The following DSCAML1 variants were observed in gnomAD, a reference collection of about 807,000 sequenced individuals.
DSCAML1 encodes cell adhesion molecule DSCAML1.
DSCAML1 carries 38 observed loss-of-function variants against 200.5 expected under a neutral mutation model. The ratio of observed to expected loss-of-function variants is 0.19; its 90% confidence interval spans 0.15 to 0.25. The LOEUF (loss-of-function observed/expected upper bound fraction) is 0.25. Among genes scored for constraint, DSCAML1 ranks in the 10% least tolerant of loss-of-function variants. The probability of loss-of-function intolerance (pLI) is 1.00; values close to 1 mark genes in which losing one functional copy is unlikely to be tolerated. For missense variants in DSCAML1, 2,223 were observed against 2,858.8 expected (o/e 0.78, Z 5.07); for synonymous variants, 1,215 against 1,165.0 (o/e 1.04, Z -0.87).
chr11:117,628,901 C>T (rs1422790724), intron 3 of DSCAML1, among the ~76,000 whole-genome samples: 1 of 152,136 alleles, frequency 6.6e-6, no homozygotes, highest in East Asian at 1.9e-4. Flanking sequence ...AGAGCCAGAC[C>T]TAGACTCTAG....
intron 3 of DSCAML1, among the ~76,000 whole-genome samples, chr11:117,614,179 T>G (rs1021421235): frequency 6.6e-6 from 1 of 152,164 alleles, no homozygotes; most frequent in East Asian, 1.9e-4. Context: ...AGTTTACAGT[T>G]CTGCACTCAC....
chr11:117,753,569 T>C (rs1704396453), intron 3 of DSCAML1, among the ~76,000 whole-genome samples: 1 of 152,232 alleles, frequency 6.6e-6, no homozygotes, highest in African/African-American at 2.4e-5. Flanking sequence ...AGGGTAATAA[T>C]ACCTCTGTGG....
chr11:117,795,925 C>A (rs1402229550), intron 1 of DSCAML1, among the ~76,000 whole-genome samples: 1 of 152,184 alleles, frequency 6.6e-6, no homozygotes. Context: ...GAAGCCGCCC[C>A]GGGGCGAGAA....
rs17664522 is a variant in DSCAML1, at chr11:117,695,657, T to G, written c.511+81134A>C. Reference sequence around the variant, plus strand: ...ACGTGAATTCCAAATGCTACAGTTTTGAGGGTGTACAGAGAGATCCAAAGG... The same window carrying G: ...ACGTGAATTCCAAATGCTACAGTTTGGAGGGTGTACAGAGAGATCCAAAGG... On this transcript the variant is annotated intron_variant, in intron 3 of 32. Transcript: ENST00000651296. 9.2e-3 allele frequency among the ~76,000 whole-genome samples: 1,402 copies of G among 152,250 alleles called. 12 individuals are homozygous for G. The highest frequency in any genetic ancestry group is 0.031 in the Middle Eastern group (9 of 294).
intron 3 of DSCAML1, among the ~76,000 whole-genome samples, chr11:117,673,982 C>T (rs1163457078): frequency 6.6e-6 from 1 of 152,218 alleles, no homozygotes; most frequent in Admixed American, 6.5e-5. Context: ...GCGCATGTCC[C>T]ACATTCTTTC....
chr11:117,706,919 G>A (rs1380418961), intron 3 of DSCAML1, among the ~76,000 whole-genome samples: 2 of 152,168 alleles, frequency 1.3e-5, no homozygotes, highest in East Asian at 3.9e-4. Context: ...AATGAAGGGA[G>A]GCGACCACAC....
intron 21 of DSCAML1, among the ~76,000 whole-genome samples, chr11:117,442,588 G>C (rs904043740): frequency 6.6e-6 from 1 of 152,098 alleles, no homozygotes; most frequent in African/African-American, 2.4e-5. Context: ...GTGAGGTGAC[G>C]CTGTGTGAAT....
intron 3 of DSCAML1, among the ~76,000 whole-genome samples, chr11:117,640,437 C>T (rs563209637): frequency 4.5e-4 from 69 of 152,254 alleles, no homozygotes; most frequent in African/African-American, 1.6e-3. Flanking sequence ...AAAGTTTATT[C>T]GGATGACTTG....
At chr11:117,609,029 A>AC (rs2051631863) in intron 3 of DSCAML1, among the ~76,000 whole-genome samples, 1 of 109,914 alleles carries the variant, frequency 9.1e-6, no homozygotes, top group South Asian at 3.1e-4. Flanking sequence ...CAAACAAACA[A>AC]ACAAACAAAA....
chr11:117,571,109 C>G (rs2050841600), intron 3 of DSCAML1, among the ~76,000 whole-genome samples: 1 of 152,236 alleles, frequency 6.6e-6, no homozygotes, highest in African/African-American at 2.4e-5. Flanking sequence ...GAGCAGAGCC[C>G]TGGTGGGGAC....
At chr11:117,559,907 T>G (rs1430635489) in intron 3 of DSCAML1, among the ~76,000 whole-genome samples, 4 of 149,884 alleles carry the variant, frequency 2.7e-5, no homozygotes, top group East Asian at 3.9e-4. Flanking sequence ...GGCCTAGAGT[T>G]GGGGGGAGGG....
In DSCAML1 at chr11:117,498,673, GAC is replaced by G. The variant is rs2049338766; in HGVS notation, c.2359+5170_2359+5171del. ...GTCCCAGTGGCCAATCATGGTGGGT[GAC>G]CTGGTCCACGGAGGCCCGAGGGCTT... On this transcript the variant is annotated intron_variant, in intron 11 of 32. Transcript: ENST00000651296. The surrounding 1 kb of genome is among the most constrained non-coding windows in gnomAD (Gnocchi z 4.0). 6.6e-6 allele frequency among the ~76,000 whole-genome samples: 1 copy of G among 152,178 alleles called. No homozygotes were observed. Among genetic ancestry groups the G allele is most frequent in the African/African-American group, 2.4e-5 (1 of 41,430 alleles).
intron 3 of DSCAML1, among the ~76,000 whole-genome samples, chr11:117,542,368 G>A (rs190414462): frequency 4.3e-4 from 65 of 150,678 alleles, no homozygotes; most frequent in Admixed American, 7.3e-4. Flanking sequence ...AAAAAACAGT[G>A]CAGGCGATGT....
intron 3 of DSCAML1, among the ~76,000 whole-genome samples, chr11:117,746,220 T>TAAAA (rs1374826474): frequency 2.4e-4 from 1 of 4,126 alleles, no homozygotes; most frequent in Non-Finnish European, 7.5e-4. Context: ...AGACTCTGTC[T>TAAAA]CAAAAAAAAA....
chr11:117,436,961 C>T (rs1371318262), intron 26 of DSCAML1, among the ~76,000 whole-genome samples, 161 bp downstream of exon 26: 1 of 152,180 alleles, frequency 6.6e-6, no homozygotes, highest in African/African-American at 2.4e-5. Flanking sequence ...ACCTGATGTC[C>T]CCTTTGTCAG....
chr11:117,516,457 G>C lies in DSCAML1; in HGVS notation c.1783+10C>G. On this transcript the variant is annotated intron_variant, in intron 8 of 32. Transcript: ENST00000651296. This position sits in a 1 kb window ranked among gnomAD's most constrained non-coding sequence, Gnocchi z 5.7. ...GCGGGCAGGGGCCCTGGCTGGTGAG[G>C]GAGGCCTACCTTTGACGGCTACGTG... The C allele has an allele frequency of 6.2e-7, 1 of 1,607,780 alleles. No individual in the cohort carries two copies. The highest frequency in any genetic ancestry group is 8.5e-7 in the Non-Finnish European group (1 of 1,175,838).
chr11:117,747,078 C>T (rs2054530141), intron 3 of DSCAML1, among the ~76,000 whole-genome samples: 1 of 152,120 alleles, frequency 6.6e-6, no homozygotes, highest in Non-Finnish European at 1.5e-5. Flanking sequence ...CACCCCTGAG[C>T]CCAGCAGCCA....
At chr11:117,485,825 G>A (rs114834950) in intron 11 of DSCAML1, among the ~76,000 whole-genome samples, 1,887 of 152,352 alleles carry the variant, frequency 0.012, 42 homozygotes, top group African/African-American at 0.043. Context: ...GTCAGAGAAT[G>A]TGGTCCTAGG....
intron 3 of DSCAML1, among the ~76,000 whole-genome samples, chr11:117,572,783 T>C (rs11824361): frequency 0.012 from 1,890 of 152,252 alleles, 30 homozygotes; most frequent in African/African-American, 0.042. Context: ...CCTCTGCCCG[T>C]TCAAGTGCAG....
Sources: allele counts gnomAD v4.1 joint callset (sites outside exome capture counted in the v4.1 genomes callset), GRCh38; gene constraint gnomAD v4.1.1; non-coding constraint Gnocchi (gnomAD v3.1); transcripts MANE v1.5; gene names NCBI Gene and HGNC (gene_info 2026-07-23, HGNC 2026-07-21).